The following MPDZ variants were observed in gnomAD, a reference collection of about 807,000 sequenced individuals.
MPDZ encodes the protein multiple PDZ domain protein.
A neutral mutation model predicts 239.1 loss-of-function variants in MPDZ; 234 were observed. The ratio of observed to expected loss-of-function variants is 0.98; its 90% CI spans 0.88 to 1.09. The LOEUF (loss-of-function observed/expected upper bound fraction) is 1.09. MPDZ is among the 50% of genes least tolerant of loss of function. The probability of loss-of-function intolerance (pLI) is 0.00; values close to 1 mark genes in which losing one functional copy is unlikely to be tolerated. For synonymous variants in MPDZ, 1,048 were observed against 881.3 expected (o/e 1.19, Z -3.35); for missense variants, 3,175 against 2,510.0 (o/e 1.26, Z -5.66).
intron 10 of MPDZ, among the ~76,000 whole-genome samples, chr9:13,214,441 A>C (rs879339412): frequency 5.5e-4 from 83 of 151,996 alleles, no homozygotes; most frequent in African/African-American, 1.9e-3. Context: ...GGTGACTGCT[A>C]AGGGGTACTG....
chr9:13,165,334 G>C, intron 22 of MPDZ: 1 of 1,546,858 alleles, frequency 6.5e-7, no homozygotes, highest in Non-Finnish European at 8.7e-7. Flanking sequence ...GTAACACACA[G>C]CCATAATGAG....
intron 21 of MPDZ, 38 bp downstream of exon 21, chr9:13,175,714 G>A (rs1251146650): frequency 2.0e-6 from 3 of 1,496,072 alleles, no homozygotes; most frequent in East Asian, 2.4e-5. Context: ...TGTCAAGGGG[G>A]TTGAGGAGTA....
At chr9:13,130,244 A>T (rs912480838) in intron 32 of MPDZ, among the ~76,000 whole-genome samples, 2 of 152,170 alleles carry the variant, frequency 1.3e-5, no homozygotes, top group Non-Finnish European at 2.9e-5. Flanking sequence ...CTATTTTCCC[A>T]TTTTTAAAAA....
chr9:13,148,983 C>CA (rs1038344417), intron 25 of MPDZ, among the ~76,000 whole-genome samples: 4,004 of 131,970 alleles, frequency 0.03, 85 homozygotes, highest in African/African-American at 0.051. Context: ...TTCTTGTCTA[C>CA]AAAAAAAAAA....
intron 27 of MPDZ, among the ~76,000 whole-genome samples, chr9:13,140,667 T>A (rs554546107): frequency 6.6e-6 from 1 of 151,996 alleles, no homozygotes; most frequent in East Asian, 1.9e-4. Context: ...TAGAAAATTG[T>A]ACAAACTTTC....
chr9:13,166,396 A>T (rs932849400), intron 22 of MPDZ, among the ~76,000 whole-genome samples: 5 of 151,292 alleles, frequency 3.3e-5, no homozygotes, highest in Non-Finnish European at 5.9e-5. Context: ...AATCTAACAT[A>T]TTTTTTTTTC....
intron 24 of MPDZ, among the ~76,000 whole-genome samples, chr9:13,155,970 A>C (rs1193794481): frequency 6.6e-6 from 1 of 152,154 alleles, no homozygotes; most frequent in African/African-American, 2.4e-5. Flanking sequence ...GATTGCATGA[A>C]GGTTAAAAGC....
rs754318120 is a variant in MPDZ, at chr9:13,188,973, G to C, written c.2175C>G (p.Ser725Arg). The change falls in exon 17 of 47, where the codon AGC becomes AGG. Residue 725 changes from serine (S) to arginine (R), a missense_variant. Physicochemically the swap from Ser to Arg is moderately radical, Grantham distance 110 (BLOSUM62 -1). Transcript: ENST00000319217. ...LDYQDPIDPA[S>R]TVIIIRSLVP... ...CCAAAGAACGAATTATAATCACAGTGCTTGCTGGATCAATTGGATCCTGAC... is the reference window on the plus strand; with the variant it reads ...CCAAAGAACGAATTATAATCACAGTCCTTGCTGGATCAATTGGATCCTGAC... The C allele has an allele frequency of 6.2e-7, 1 of 1,613,028 alleles. No homozygotes were observed. The highest frequency in any genetic ancestry group is 8.5e-7 in the Non-Finnish European group (1 of 1,179,346).
At position 13,133,862 on chromosome 9, in the gene MPDZ, T is replaced by G. The variant is rs188770909; in HGVS notation, c.4426A>C (p.Ser1476Arg). 280 of 1,606,940 alleles carry G rather than the reference T, an allele frequency of 1.7e-4. 1 individual carries two copies. In the African/African-American group the frequency reaches 3.1e-3, roughly 18 times the overall value. ...AGATGTTGCACATTTTTAAATGAAC[T>G]GAGGTCCACAGCTGCATCAGAAGTA... ...VTTSDAAVDLSSFKNVQHLEL... is the reference protein window; with the variant it reads ...VTTSDAAVDLRSFKNVQHLEL... The change falls in exon 32 of 47, where the codon AGT becomes CGT. Residue 1476 changes from serine to arginine, a missense_variant. Ser to Arg is a moderately radical substitution (Grantham distance 110, BLOSUM62 -1). Transcript: ENST00000319217.
intron 15 of MPDZ, among the ~76,000 whole-genome samples, chr9:13,191,138 T>A (rs1300323007): frequency 6.6e-6 from 1 of 152,136 alleles, no homozygotes. Flanking sequence ...TGCTTTATTG[T>A]AATAATCCCA....
At chr9:13,236,195 A>ATGTGTGTG (rs1192512851) in intron 3 of MPDZ, among the ~76,000 whole-genome samples, 1 of 47,194 alleles carries the variant, frequency 2.1e-5, no homozygotes, top group African/African-American at 6.4e-5. Flanking sequence ...GTTTCTGTAT[A>ATGTGTGTG]TATGTGTGTG....
intron 11 of MPDZ, among the ~76,000 whole-genome samples, 188 bp downstream of exon 11, chr9:13,205,728 T>C (rs144880176): frequency 1.1e-3 from 171 of 152,274 alleles, no homozygotes; most frequent in African/African-American, 3.7e-3. Flanking sequence ...TATAAACACA[T>C]TGCTGGTTCC....
chr9:13,162,737 A>G lies in MPDZ; in HGVS notation c.3313T>C (p.Ser1105Pro). The G allele has an allele frequency of 6.2e-7, 1 of 1,611,706 alleles. No homozygotes were observed. The highest frequency in any genetic ancestry group is 8.5e-7 in the Non-Finnish European group (1 of 1,178,648). ...EEFKISLGQQSGRVMALDIFS... is the reference protein window; with the variant it reads ...EEFKISLGQQPGRVMALDIFS... The stretch of plus-strand genomic sequence containing the variant: ...ATATCCAGTGCCATTACTCTTCCAG[A>G]TTGTTGTCCCAAGCTTATTTTGAAC... The change falls in exon 23 of 47, where the codon TCT becomes CCT. Residue 1105 changes from serine to proline, a missense_variant. Physicochemically the swap from Ser to Pro is moderately conservative, Grantham distance 74. Transcript: ENST00000319217.
intron 18 of MPDZ, among the ~76,000 whole-genome samples, chr9:13,183,985 G>A (rs1953742383): frequency 6.6e-6 from 1 of 151,950 alleles, no homozygotes; most frequent in Admixed American, 6.6e-5. Flanking sequence ...GTTATTCAAT[G>A]AGGCAGCTAG....
At chr9:13,118,237 G>C (rs1943798095) in intron 39 of MPDZ, among the ~76,000 whole-genome samples, 1 of 152,130 alleles carries the variant, frequency 6.6e-6, no homozygotes, top group Non-Finnish European at 1.5e-5. Flanking sequence ...AATTCTTACA[G>C]AGATAACAAT....
chr9:13,129,015 A>C (rs547325657), intron 32 of MPDZ, among the ~76,000 whole-genome samples: 18 of 152,330 alleles, frequency 1.2e-4, no homozygotes, highest in African/African-American at 3.6e-4. Context: ...ATGAAACCTG[A>C]TGGAATTAGT....
At chr9:13,138,797 C>T (rs983415250) in intron 28 of MPDZ, among the ~76,000 whole-genome samples, 19 of 152,206 alleles carry the variant, frequency 1.2e-4, no homozygotes, top group African/African-American at 4.6e-4. Context: ...CACGCAGGTG[C>T]TCCAGTGCAC....
Position 13,115,455 on chromosome 9 carries a change from A to G in MPDZ, c.5380-121T>C, listed in dbSNP as rs908853804. ...AAGGCATCTTCCTTTTGGAATTTCTATAAGCAAGGATACCTCCAATCCCTT... is the reference window on the plus strand; with the variant it reads ...AAGGCATCTTCCTTTTGGAATTTCTGTAAGCAAGGATACCTCCAATCCCTT... On this transcript the variant is annotated intron_variant, in intron 39 of 46. Transcript: ENST00000319217. 20 of 750,148 alleles carry G rather than the reference A, an allele frequency of 2.7e-5. No homozygotes were observed. The Admixed American group carries it at 3.1e-4, about 12-fold the overall frequency. 46.5% of individuals were successfully genotyped at this position (750,148 alleles called of 1,614,324 possible).
intron 23 of MPDZ, among the ~76,000 whole-genome samples, chr9:13,158,582 G>C (rs1156439817): frequency 6.6e-6 from 1 of 152,088 alleles, no homozygotes; most frequent in African/African-American, 2.4e-5. Flanking sequence ...TGCTTCCTAA[G>C]GATGGACCAA....
Sources: allele counts gnomAD v4.1 joint callset (sites outside exome capture counted in the v4.1 genomes callset), GRCh38; gene constraint gnomAD v4.1.1; transcripts MANE v1.5; gene names NCBI Gene and HGNC (gene_info 2026-07-23, HGNC 2026-07-21).